The following PACS1 variants were observed in gnomAD, a reference collection of about 807,000 sequenced individuals.
PACS1 encodes phosphofurin acidic cluster sorting protein 1.
Under a neutral mutation model 115.0 loss-of-function variants are expected in PACS1, and 24 were observed. The ratio of observed to expected loss-of-function variants is 0.21; its 90% CI spans 0.15 to 0.29. The LOEUF is 0.29. PACS1 is among the 10% of genes least tolerant of loss of function. The probability of loss-of-function intolerance (pLI) is 1.00; values close to 1 mark genes in which losing one functional copy is unlikely to be tolerated. For synonymous variants in PACS1, 453 were observed against 504.5 expected, an observed-to-expected ratio of 0.90 and a Z score of 1.37; for missense variants, 838 against 1,251.2, an observed-to-expected ratio of 0.67 and a Z score of 4.98.
chr11:66,089,554 A>G (rs1390432727), intron 1 of PACS1, among the ~76,000 whole-genome samples: 1 of 152,184 alleles, frequency 6.6e-6, no homozygotes, highest in Non-Finnish European at 1.5e-5. Context: ...TCTTTTAGCA[A>G]TTAGAAACTC....
chr11:66,242,619 A>G (rs755935678), intron 22 of PACS1, among the ~76,000 whole-genome samples: 1 of 152,222 alleles, frequency 6.6e-6, no homozygotes, highest in African/African-American at 2.4e-5. Flanking sequence ...GGCTGCCTAG[A>G]ACGTTCCAGC....
chr11:66,174,838 T>G (rs976689628), intron 1 of PACS1, among the ~76,000 whole-genome samples: 2 of 152,070 alleles, frequency 1.3e-5, no homozygotes, highest in African/African-American at 4.8e-5. Flanking sequence ...TTGAAGAGCA[T>G]TGAATTGTAC....
chr11:66,217,687 T>C, intron 7 of PACS1: 1 of 449,568 alleles, frequency 2.2e-6, no homozygotes, highest in South Asian at 1.6e-5. Flanking sequence ...GACTGTTTCC[T>C]TGTCCTCAGG....
chr11:66,172,842 GGC>G (rs1859769466), intron 1 of PACS1, among the ~76,000 whole-genome samples: 2 of 152,062 alleles, frequency 1.3e-5, no homozygotes, highest in Non-Finnish European at 2.9e-5. Context: ...TGGGCGTGGT[GGC>G]GCGTGCCTGT....
chr11:66,161,293 T>A (rs1456576456), intron 1 of PACS1, among the ~76,000 whole-genome samples: 1 of 150,466 alleles, frequency 6.6e-6, no homozygotes, highest in Non-Finnish European at 1.5e-5. Flanking sequence ...TGAAAGGCAC[T>A]AAAAAAAAAT....
At chr11:66,179,095 G>A (rs1859942131) in intron 1 of PACS1, among the ~76,000 whole-genome samples, 1 of 152,152 alleles carries the variant, frequency 6.6e-6, no homozygotes. Context: ...AGCACTTGAT[G>A]TTGTCAGATT....
chr11:66,077,631 T>C (rs1857418990), intron 1 of PACS1, among the ~76,000 whole-genome samples: 1 of 152,010 alleles, frequency 6.6e-6, no homozygotes, highest in Non-Finnish European at 1.5e-5. Flanking sequence ...TGGTGAGGCA[T>C]AGGTGATAAA....
rs1565157816 is a variant in PACS1 at position 66,233,653 on chromosome 11, CT to C, written c.1839-131del. 9 of 815,108 alleles carry C rather than the reference CT, an allele frequency of 1.1e-5. No homozygotes were observed. Among genetic ancestry groups the C allele is most frequent in the African/African-American group, 1.7e-5 (1 of 57,990 alleles). 50.5% of individuals were successfully genotyped at this position (815,108 alleles called of 1,614,324 possible). ...TGGCTTATTCCCTGTATGATCCTCT[CT>C]GTTTTATTTTGTGGATTGGTTTGCT... On this transcript the variant is annotated intron_variant, in intron 15 of 23. Transcript: ENST00000320580. This position sits in a 1 kb window ranked among gnomAD's most constrained non-coding sequence, Gnocchi z 4.5.
intron 2 of PACS1, among the ~76,000 whole-genome samples, chr11:66,201,869 G>T (rs577004341): frequency 6.6e-6 from 1 of 152,042 alleles, no homozygotes; most frequent in Non-Finnish European, 1.5e-5. Context: ...TTATTGGCCA[G>T]GCTGGTCTTG....
rs1565150962 is a variant in PACS1, at chr11:66,216,629, C to T, written c.897+18C>T. On this transcript the variant is annotated intron_variant, in intron 6 of 23. Transcript: ENST00000320580. ...ATGGGCAGGTAACTTTCTGTGGTCCCTCACATGGCGTGTCCAAGAAGCTCC... is the reference window on the plus strand; with the variant it reads ...ATGGGCAGGTAACTTTCTGTGGTCCTTCACATGGCGTGTCCAAGAAGCTCC... 1.2e-6 allele frequency: 2 copies of T among 1,611,376 alleles called. No individual in the cohort carries two copies. The highest frequency in any genetic ancestry group is 2.2e-5 in the East Asian group (1 of 44,858).
At chr11:66,170,245 GC>G (rs1171985669) in intron 1 of PACS1, among the ~76,000 whole-genome samples, 3 of 150,248 alleles carry the variant, frequency 2.0e-5, no homozygotes, top group Admixed American at 6.6e-5. Context: ...TGTGAAATTT[GC>G]TTTTATCCTG....
chr11:66,113,801 T>G (rs547274351), intron 1 of PACS1, among the ~76,000 whole-genome samples: 9 of 152,324 alleles, frequency 5.9e-5, no homozygotes, highest in Admixed American at 5.9e-4. Flanking sequence ...TCAAGTCTAA[T>G]TTTCATCTTT....
intron 10 of PACS1, among the ~76,000 whole-genome samples, chr11:66,227,223 A>C (rs556299447): frequency 3.2e-4 from 48 of 152,250 alleles, no homozygotes; most frequent in African/African-American, 1.1e-3. Context: ...AAGCCATCTA[A>C]ATTTTGAGCT....
intron 1 of PACS1, among the ~76,000 whole-genome samples, chr11:66,096,940 T>C (rs1221804476): frequency 6.6e-6 from 1 of 151,386 alleles, no homozygotes; most frequent in African/African-American, 2.4e-5. Context: ...CTTTGTGGAA[T>C]CCTATTGCCT....
rs970524311 is a variant in PACS1, at chr11:66,231,819, G to A, written c.1627-353G>A. 4 of 234,288 alleles carry A rather than the reference G, an allele frequency of 1.7e-5. No individual in the cohort carries two copies. In the East Asian group the frequency reaches 3.2e-4, roughly 19 times the overall value. 14.5% of individuals were successfully genotyped at this position (234,288 alleles called of 1,614,324 possible). A position where few individuals can be genotyped will look rare whatever the true frequency, so the allele number is the denominator to read the frequency against. ...CTGTTTCTCTGAGCACCTGCTGGCC[G>A]CCCTCTGCCTCTCCCTTCCTGGTTC... On this transcript the variant is annotated intron_variant, in intron 13 of 23. Transcript: ENST00000320580.
chr11:66,215,354 G>A (rs1017303763), intron 4 of PACS1, among the ~76,000 whole-genome samples: 4 of 151,488 alleles, frequency 2.6e-5, no homozygotes, highest in African/African-American at 9.7e-5. Context: ...TGTAATCCCA[G>A]CACTTTGGGA....
At position 66,234,931 on chromosome 11, in the gene PACS1, G is replaced by A. The variant is rs149400451; in HGVS notation, c.2105-370G>A. On this transcript the variant is annotated intron_variant, in intron 17 of 23. Coordinates refer to ENST00000320580, the MANE Select transcript of PACS1 (RefSeq NM_018026.4). Reference sequence around the variant, plus strand: ...GTGGCAGGGATCAGAAAGAGGTTGAGCTCTTCCAGGCTGAGAGGTAGTGAG... The same window carrying A: ...GTGGCAGGGATCAGAAAGAGGTTGAACTCTTCCAGGCTGAGAGGTAGTGAG... 3.7e-3 allele frequency among the ~76,000 whole-genome samples: 557 copies of A among 152,244 alleles called. 4 individuals carry two copies. The highest frequency in any genetic ancestry group is 0.013 in the African/African-American group (530 of 41,548).
chr11:66,199,804 G>A (rs1163643051), intron 2 of PACS1, among the ~76,000 whole-genome samples: 1 of 151,576 alleles, frequency 6.6e-6, no homozygotes, highest in African/African-American at 2.4e-5. Context: ...CAAATCATGA[G>A]GTCAGGAGTT....
At chr11:66,127,449 A>G (rs568956635) in intron 1 of PACS1, among the ~76,000 whole-genome samples, 1 of 152,194 alleles carries the variant, frequency 6.6e-6, no homozygotes, top group African/African-American at 2.4e-5. Flanking sequence ...CTTAGCAGAG[A>G]ACCGCCTGGT....
Sources: allele counts gnomAD v4.1 joint callset (sites outside exome capture counted in the v4.1 genomes callset), GRCh38; gene constraint gnomAD v4.1.1; non-coding constraint Gnocchi (gnomAD v3.1); transcripts MANE v1.5; gene names NCBI Gene and HGNC (gene_info 2026-07-23, HGNC 2026-07-21).